Variants in MDGA2 observed in about 807,000 individuals in gnomAD.
MDGA2 encodes the protein MAM domain containing glycosylphosphatidylinositol anchor 2.
Under a neutral mutation model 117.8 loss-of-function variants are expected in MDGA2, and 40 were observed. That is an observed-to-expected ratio of 0.34 (90% confidence interval 0.26 to 0.44). MDGA2 has a LOEUF of 0.44. MDGA2 is among the 20% of genes least tolerant of loss of function. The pLI, the probability that MDGA2 is intolerant of heterozygous loss-of-function variation, is 1.00. For synonymous variants in MDGA2, 452 were observed against 439.0 expected (o/e 1.03, Z -0.37); for missense variants, 1,123 against 1,250.6 (o/e 0.90, Z 1.54).
chr14:47,144,378 G>T, intron 3 of MDGA2, 104 bp from the exon 4 acceptor site: 1 of 728,178 alleles, frequency 1.4e-6, no homozygotes, highest in Non-Finnish European at 2.2e-6. Context: ...CTCATTGATT[G>T]TATTACTTAC....
chr14:47,623,589 G>T (rs959646942), intron 1 of MDGA2, among the ~76,000 whole-genome samples: 4 of 152,010 alleles, frequency 2.6e-5, no homozygotes, highest in Non-Finnish European at 4.4e-5. Flanking sequence ...TATTTGCATA[G>T]CACTTCCCTT....
chr14:47,596,992 G>T lies in MDGA2; in HGVS notation c.280+77525C>A, dbSNP rs550724590. Among the ~76,000 whole-genome samples the T allele has an allele frequency of 2.0e-5, 3 of 152,186 alleles. No individual in the cohort carries two copies. In the South Asian group the frequency reaches 6.2e-4, roughly 32 times the overall value. On this transcript the variant is annotated intron_variant, in intron 1 of 16. Transcript: ENST00000399232. ...TAATCAGTAGCTAAATAAAATCAAG[G>T]ATTCATGCTAAGGTGTTAGCGACTC...
At chr14:47,298,674 T>A (rs1594781079) in intron 2 of MDGA2, among the ~76,000 whole-genome samples, 1 of 140,364 alleles carries the variant, frequency 7.1e-6, no homozygotes, top group African/African-American at 2.5e-5. Context: ...AGAGGCCCAC[T>A]TAATTTTTCT....
chr14:47,473,062 T>C (rs1162436004), intron 1 of MDGA2, among the ~76,000 whole-genome samples: 2 of 152,146 alleles, frequency 1.3e-5, no homozygotes, highest in East Asian at 1.9e-4. Flanking sequence ...AAAACCTGCA[T>C]GATCCAGGTT....
chr14:46,978,442 A>C (rs1472700224), intron 8 of MDGA2, among the ~76,000 whole-genome samples: 1 of 152,040 alleles, frequency 6.6e-6, no homozygotes, highest in Non-Finnish European at 1.5e-5. Flanking sequence ...TTAGACAGTA[A>C]TGTGTTTTGC....
intron 1 of MDGA2, among the ~76,000 whole-genome samples, chr14:47,465,288 A>G (rs1421637216): frequency 6.6e-6 from 1 of 152,166 alleles, no homozygotes; most frequent in Non-Finnish European, 1.5e-5. Flanking sequence ...ATTTCATGAC[A>G]AAGATACCAA....
At chr14:47,559,244 C>A (rs1220429873) in intron 1 of MDGA2, among the ~76,000 whole-genome samples, 1 of 152,222 alleles carries the variant, frequency 6.6e-6, no homozygotes, top group Non-Finnish European at 1.5e-5. Flanking sequence ...TCCTCCCTCC[C>A]TCTACCATCA....
At chr14:46,937,903 T>C (rs1884841149) in intron 9 of MDGA2, among the ~76,000 whole-genome samples, 1 of 152,150 alleles carries the variant, frequency 6.6e-6, no homozygotes, top group Non-Finnish European at 1.5e-5. Context: ...AAAGATTTTA[T>C]GAATAAGACT....
At chr14:47,334,894 C>T (rs1890395528) in intron 1 of MDGA2, among the ~76,000 whole-genome samples, 1 of 151,824 alleles carries the variant, frequency 6.6e-6, no homozygotes, top group African/African-American at 2.4e-5. Flanking sequence ...GTTGAATTAG[C>T]ACTTAAAATC....
intron 1 of MDGA2, among the ~76,000 whole-genome samples, chr14:47,519,496 G>A (rs1894824230): frequency 6.6e-6 from 1 of 152,100 alleles, no homozygotes; most frequent in African/African-American, 2.4e-5. Flanking sequence ...CTCTATCTTA[G>A]AGAGTTTGAA....
At chr14:47,041,636 G>A (rs559929510) in intron 7 of MDGA2, among the ~76,000 whole-genome samples, 170 of 151,926 alleles carry the variant, frequency 1.1e-3, no homozygotes, top group African/African-American at 3.8e-3. Flanking sequence ...CATTCCAAAC[G>A]TAAATAAATA....
intron 1 of MDGA2, among the ~76,000 whole-genome samples, chr14:47,367,378 T>C (rs1305740377): frequency 6.6e-6 from 1 of 152,206 alleles, no homozygotes; most frequent in African/African-American, 2.4e-5. Context: ...TAAGAGTTCA[T>C]GTAACCAAAA....
At chr14:47,660,844 G>T (rs1246464258) in intron 1 of MDGA2, among the ~76,000 whole-genome samples, 13 of 151,974 alleles carry the variant, frequency 8.6e-5, no homozygotes, top group Admixed American at 8.5e-4. Flanking sequence ...ATTTTTACAG[G>T]TTACTAATTA....
rs183688731 is a variant in MDGA2, at chr14:46,869,526, A to C, written c.2752+3907T>G. Among the ~76,000 whole-genome samples the C allele has an allele frequency of 3.6e-4, 55 of 152,008 alleles. 3 individuals carry two copies. In the South Asian group the frequency reaches 7.9e-3, roughly 22 times the overall value. ...CTTTAAGGATAACATTATAGTTTTC[A>C]TTTGGAAACATGTTTTTTTCTTCAA... On this transcript the variant is annotated intron_variant, in intron 14 of 16. Transcript: ENST00000399232.
intron 7 of MDGA2, among the ~76,000 whole-genome samples, chr14:47,038,316 TAAA>T (rs1888931682): frequency 1.3e-5 from 2 of 152,184 alleles, no homozygotes; most frequent in Non-Finnish European, 2.9e-5. Flanking sequence ...AGTAAAAAGT[TAAA>T]AAGAGAAGTG....
chr14:47,402,785 C>T (rs555586555), intron 1 of MDGA2, among the ~76,000 whole-genome samples: 1 of 151,804 alleles, frequency 6.6e-6, no homozygotes, highest in Admixed American at 6.5e-5. Flanking sequence ...CACACAAACA[C>T]ACACACACAC....
intron 1 of MDGA2, among the ~76,000 whole-genome samples, chr14:47,669,396 C>T (rs1189688397): frequency 6.6e-6 from 1 of 152,164 alleles, no homozygotes; most frequent in Non-Finnish European, 1.5e-5. Flanking sequence ...CTGGCACTCT[C>T]ACTGACTTAT....
At chr14:47,391,973 T>C (rs1353658801) in intron 1 of MDGA2, among the ~76,000 whole-genome samples, 1 of 152,322 alleles carries the variant, frequency 6.6e-6, no homozygotes, top group Non-Finnish European at 1.5e-5. Flanking sequence ...AGGAGACGAC[T>C]TTTGGCATGC....
At position 46,855,416 on chromosome 14, in the gene MDGA2, T is replaced by A. The variant is rs756905411; in HGVS notation, c.2753-262A>T. 1.3e-5 allele frequency among the ~76,000 whole-genome samples: 2 copies of A among 152,110 alleles called. No homozygotes were observed. The highest frequency in any genetic ancestry group is 2.9e-5 in the Non-Finnish European group (2 of 68,002). On this transcript the variant is annotated intron_variant, in intron 14 of 16. Transcript: ENST00000399232. This position sits in a 1 kb window ranked among gnomAD's most constrained non-coding sequence, Gnocchi z 4.1. ...TTTAAGGATTTTGCAATGGGGAGATTATTCTAGATTATTAGGGTGAGTCCT... is the reference window on the plus strand; with the variant it reads ...TTTAAGGATTTTGCAATGGGGAGATAATTCTAGATTATTAGGGTGAGTCCT...
Sources: allele counts gnomAD v4.1 joint callset (sites outside exome capture counted in the v4.1 genomes callset), GRCh38; gene constraint gnomAD v4.1.1; non-coding constraint Gnocchi (gnomAD v3.1); transcripts MANE v1.5; gene names NCBI Gene and HGNC (gene_info 2026-07-23, HGNC 2026-07-21).